TUSC3: variants seen among roughly 807,000 people sequenced by gnomAD.
TUSC3 encodes the protein tumor suppressor candidate 3.
Under a neutral mutation model 44.8 loss-of-function variants are expected in TUSC3, and 45 were observed. The ratio of observed to expected loss-of-function variants is 1.00; its 90% CI spans 0.79 to 1.29. The LOEUF (loss-of-function observed/expected upper bound fraction) is 1.29, where lower values mean the gene tolerates loss of function less well. Ranked by LOEUF, TUSC3 falls within the 50% of genes most tolerant of loss-of-function variation. The pLI, the probability that TUSC3 is intolerant of heterozygous loss-of-function variation, is 0.00. For synonymous variants in TUSC3, 212 were observed against 152.9 expected, an observed-to-expected ratio of 1.39 and a Z score of -2.85; for missense variants, 519 against 437.9, an observed-to-expected ratio of 1.19 and a Z score of -1.65.
At chr8:15,553,664 A>G (rs532212644) in intron 1 of TUSC3, among the ~76,000 whole-genome samples, 1 of 151,800 alleles carries the variant, frequency 6.6e-6, no homozygotes, top group African/African-American at 2.4e-5. Flanking sequence ...GAACACTAGA[A>G]TGTGGTAGGT....
At chr8:15,622,841 C>T (rs1203873072) in intron 1 of TUSC3, among the ~76,000 whole-genome samples, 3 of 151,754 alleles carry the variant, frequency 2.0e-5, no homozygotes, top group Non-Finnish European at 4.4e-5. Context: ...CATTGGCATT[C>T]TTGGATTGCT....
intron 6 of TUSC3, among the ~76,000 whole-genome samples, chr8:15,694,816 A>T (rs947235870): frequency 1.3e-5 from 2 of 152,034 alleles, no homozygotes; most frequent in African/African-American, 4.8e-5. Flanking sequence ...TTGTTCCCAG[A>T]TTGCTGGTCA....
chr8:15,814,719 C>G, the TUSC3 span, among the ~76,000 whole-genome samples: 1 of 152,116 alleles, frequency 6.6e-6, no homozygotes. Flanking sequence ...TGAAAAACTT[C>G]AGCTGACCTG....
At chr8:15,515,209 A>C (rs1801200914) in intron 2 of TUSC3, among the ~76,000 whole-genome samples, 4 of 152,124 alleles carry the variant, frequency 2.6e-5, no homozygotes, top group Admixed American at 2.6e-4. Context: ...TTTTAGGATG[A>C]GCTTGTCGCT....
chr8:15,804,918 G>T, the TUSC3 span, among the ~76,000 whole-genome samples: 4 of 152,104 alleles, frequency 2.6e-5, no homozygotes, highest in Non-Finnish European at 5.9e-5. Flanking sequence ...GATTGCTTTG[G>T]GCAGTATGGC....
At chr8:15,637,449 AGTT>A (rs1806133650) in intron 2 of TUSC3, among the ~76,000 whole-genome samples, 1 of 151,568 alleles carries the variant, frequency 6.6e-6, no homozygotes, top group African/African-American at 2.4e-5. Context: ...TTCTATTTCT[AGTT>A]GTTTAATTTC....
chr8:15,626,811 G>A (rs576060096), intron 2 of TUSC3, among the ~76,000 whole-genome samples: 1 of 152,244 alleles, frequency 6.6e-6, no homozygotes, highest in African/African-American at 2.4e-5. Context: ...GCATAAACGA[G>A]CATGGGAGAG....
At chr8:15,519,739 A>G (rs187470305) in intron 2 of TUSC3, among the ~76,000 whole-genome samples, 1 of 152,320 alleles carries the variant, frequency 6.6e-6, no homozygotes, top group East Asian at 1.9e-4. Context: ...AAAGCACTGG[A>G]TTAAGGGGAC....
the TUSC3 span, among the ~76,000 whole-genome samples, chr8:15,847,214 G>A: frequency 1.3e-5 from 2 of 152,186 alleles, no homozygotes; most frequent in Non-Finnish European, 2.9e-5. Flanking sequence ...GCACATATGT[G>A]AGGGTGTGTA....
At chr8:15,774,813 AT>A in the TUSC3 span, among the ~76,000 whole-genome samples, 226 of 150,138 alleles carry the variant, frequency 1.5e-3, 1 homozygote, top group African/African-American at 4.8e-3. Flanking sequence ...ATCAGAATGT[AT>A]TTTTTTTTTA....
intron 8 of TUSC3, among the ~76,000 whole-genome samples, chr8:15,747,626 C>CTCAA (rs1180580014): frequency 1.3e-5 from 2 of 151,964 alleles, no homozygotes; most frequent in African/African-American, 4.8e-5. Context: ...GTAAAATCTT[C>CTCAA]TCAATCATAC....
At chr8:15,740,754 A>C (rs1811157788) in intron 7 of TUSC3, among the ~76,000 whole-genome samples, 1 of 152,192 alleles carries the variant, frequency 6.6e-6, no homozygotes, top group Non-Finnish European at 1.5e-5. Flanking sequence ...TACACTTACC[A>C]AACCTCTCAA....
intron 3 of TUSC3, among the ~76,000 whole-genome samples, chr8:15,657,229 GTT>G (rs1338456418): frequency 3.3e-5 from 5 of 152,170 alleles, no homozygotes; most frequent in African/African-American, 9.7e-5. Context: ...CAGGCTGAGA[GTT>G]TTCCAAATCT....
At chr8:15,783,706 A>C in the TUSC3 span, among the ~76,000 whole-genome samples, 1 of 152,182 alleles carries the variant, frequency 6.6e-6, no homozygotes, top group East Asian at 1.9e-4. Flanking sequence ...TTATGCAAAA[A>C]TCAATTCAAA....
intron 1 of TUSC3, among the ~76,000 whole-genome samples, chr8:15,426,203 C>G (rs1395790406): frequency 6.6e-6 from 1 of 152,154 alleles, no homozygotes; most frequent in African/African-American, 2.4e-5. Flanking sequence ...TGTCCACAAC[C>G]TCTCAGTTTC....
At chr8:15,779,699 CGT>C in the TUSC3 span, among the ~76,000 whole-genome samples, 1 of 152,026 alleles carries the variant, frequency 6.6e-6, no homozygotes, top group Non-Finnish European at 1.5e-5. Flanking sequence ...TTTTTAATTG[CGT>C]GTTTTTAAAA....
At chr8:15,584,112 A>G (rs56990211) in intron 1 of TUSC3, among the ~76,000 whole-genome samples, 1,707 of 152,340 alleles carry the variant, frequency 0.011, 36 homozygotes, top group African/African-American at 0.04. Flanking sequence ...AAATATTTAG[A>G]TGTTTAATTG....
intron 1 of TUSC3, among the ~76,000 whole-genome samples, chr8:15,608,893 A>C (rs557559753): frequency 6.6e-6 from 1 of 152,304 alleles, no homozygotes; most frequent in South Asian, 2.1e-4. Context: ...CCTTTGTACA[A>C]AATAACCAAA....
intron 1 of TUSC3, among the ~76,000 whole-genome samples, chr8:15,475,339 C>T (rs768503358): frequency 1.3e-5 from 2 of 152,164 alleles, no homozygotes; most frequent in East Asian, 3.9e-4. Context: ...TAATTTTCTA[C>T]ACTGCATCCC....
Sources: gnomAD v4.1 joint callset for allele counts (sites outside exome capture counted in the v4.1 genomes callset) on GRCh38, gnomAD v4.1.1 for gene constraint, MANE v1.5 for transcripts, NCBI Gene and HGNC (gene_info 2026-07-23, HGNC 2026-07-21) for gene names.